The following CSMD1 variants were observed in gnomAD, a reference collection of about 807,000 sequenced individuals.
CSMD1 encodes the protein CUB and Sushi multiple domains 1, also known as CUB and sushi domain-containing protein 1.
In CSMD1, 213 loss-of-function variants were observed where a neutral mutation model predicts 417.5. That is an observed-to-expected ratio of 0.51 (90% CI 0.46 to 0.57). The LOEUF (loss-of-function observed/expected upper bound fraction) is 0.57, where lower values mean the gene tolerates loss of function less well. Ranked by LOEUF, CSMD1 falls within the 20% of genes least tolerant of loss-of-function variation. The pLI is 0.00. For synonymous variants in CSMD1, 2,862 were observed against 1,736.8 expected (o/e 1.65, Z -16.11); for missense variants, 6,923 against 4,529.7 (o/e 1.53, Z -15.17).
intron 3 of CSMD1, among the ~76,000 whole-genome samples, chr8:4,359,004 G>T (rs1000817606): frequency 1.3e-5 from 2 of 151,692 alleles, no homozygotes; most frequent in Non-Finnish European, 2.9e-5. Context: ...ACATATATAG[G>T]CATATAATAT....
chr8:2,955,662 G>C lies in CSMD1; in HGVS notation c.9921C>G (p.Phe3307Leu), dbSNP rs753525110. The part of the protein sequence containing the change: ...TLVYTCHPGF[F>L]LAGGSEHRTC... ...TTCTGTGCTCAGATCCCCCTGCGAG[G>C]AAAAAGCCTGGATGGCAGGTGTACA... The change falls in exon 64 of 70, where the codon TTC becomes TTG. Residue 3307 changes from phenylalanine (F) to leucine (L), a missense_variant. By Grantham distance (22) the Phe-to-Leu change is conservative. Transcript: ENST00000635120. 1 of 1,613,928 alleles carries C rather than the reference G, an allele frequency of 6.2e-7. No individual in the cohort carries two copies. The highest frequency in any genetic ancestry group is 1.1e-5 in the South Asian group (1 of 91,082).
intron 12 of CSMD1, among the ~76,000 whole-genome samples, chr8:3,458,508 G>A (rs894495819): frequency 2.0e-5 from 3 of 152,160 alleles, no homozygotes; most frequent in Non-Finnish European, 4.4e-5. Context: ...AAAGGGTGAT[G>A]ACTGGAAACT....
intron 3 of CSMD1, among the ~76,000 whole-genome samples, chr8:4,186,113 C>G (rs147262701): frequency 2.2e-4 from 34 of 152,232 alleles, no homozygotes; most frequent in African/African-American, 7.5e-4. Flanking sequence ...TGGGCCATGC[C>G]AGGCTGTCAC....
At chr8:3,879,056 C>T (rs977409460) in intron 5 of CSMD1, among the ~76,000 whole-genome samples, 12 of 152,072 alleles carry the variant, frequency 7.9e-5, no homozygotes, top group Non-Finnish European at 1.8e-4. Context: ...TCTCTAAGAA[C>T]AGGGATAGCA....
chr8:4,206,431 C>T lies in CSMD1; in HGVS notation c.416-174332G>A, dbSNP rs113812165. ...GTTCCCACCTATGACTGAGAACATG[C>T]GGTGTTTGGTTTTCTGTCCTTGTGA... On this transcript the variant is annotated intron_variant, in intron 3 of 69. Transcript: ENST00000635120. 9.0e-4 allele frequency among the ~76,000 whole-genome samples: 137 copies of T among 152,162 alleles called. 2 individuals are homozygous for T. In the East Asian group the frequency reaches 0.017, roughly 19 times the overall value.
At chr8:4,300,185 T>C (rs923942634) in intron 3 of CSMD1, among the ~76,000 whole-genome samples, 3 of 152,322 alleles carry the variant, frequency 2.0e-5, no homozygotes, top group East Asian at 1.9e-4. Flanking sequence ...AATTTCCTTT[T>C]TGCCTATCTC....
chr8:4,607,075 A>T (rs1013568632), intron 2 of CSMD1, among the ~76,000 whole-genome samples: 1 of 152,138 alleles, frequency 6.6e-6, no homozygotes, highest in Non-Finnish European at 1.5e-5. Context: ...TTATTCATTC[A>T]TATGTTTATT....
chr8:4,261,541 G>A (rs1171569428), intron 3 of CSMD1, among the ~76,000 whole-genome samples: 2 of 152,046 alleles, frequency 1.3e-5, no homozygotes, highest in Admixed American at 1.3e-4. Context: ...AATTTGCTAA[G>A]GTAAGAGTAG....
At chr8:4,483,680 A>G (rs957395580) in intron 2 of CSMD1, among the ~76,000 whole-genome samples, 6 of 152,226 alleles carry the variant, frequency 3.9e-5, no homozygotes, top group Non-Finnish European at 8.8e-5. Context: ...CATTTTTGTA[A>G]GAAAAGCACT....
rs572328659 is a variant in CSMD1, at chr8:4,374,634, T to A, written c.415+45319A>T. 9.2e-5 allele frequency among the ~76,000 whole-genome samples: 14 copies of A among 152,214 alleles called. 1 individual carries two copies. Among genetic ancestry groups the A allele is most frequent in the African/African-American group, 3.4e-4 (14 of 41,544 alleles). ...GTCCTGAAAGCCAGGAGCATGAAGT[T>A]GTTTTTTAGCTGGATGTTTTCTGAG... On this transcript the variant is annotated intron_variant, in intron 3 of 69. Coordinates refer to ENST00000635120, the MANE Select transcript of CSMD1 (RefSeq NM_033225.6).
intron 51 of CSMD1, among the ~76,000 whole-genome samples, chr8:3,024,302 G>T (rs1203665130): frequency 1.3e-5 from 2 of 149,316 alleles, no homozygotes; most frequent in Non-Finnish European, 3.0e-5. Context: ...TTTTTGGGGG[G>T]GGAGGGCAGT....
At chr8:4,413,441 T>G (rs985979267) in intron 3 of CSMD1, among the ~76,000 whole-genome samples, 1 of 152,190 alleles carries the variant, frequency 6.6e-6, no homozygotes, top group Non-Finnish European at 1.5e-5. Flanking sequence ...GTTCAGCGTC[T>G]CTCTTCTAAT....
chr8:4,013,419 G>C (rs1027248025), intron 4 of CSMD1, among the ~76,000 whole-genome samples: 12 of 152,108 alleles, frequency 7.9e-5, no homozygotes, highest in Admixed American at 7.2e-4. Context: ...GTTCATTAGA[G>C]GTCCAAATAT....
In CSMD1 at chr8:3,308,367, C is replaced by T. The variant is rs371960024; in HGVS notation, c.3768G>A (p.Leu1256=). 103 of 1,613,742 alleles carry T rather than the reference C, an allele frequency of 6.4e-5. No individual in the cohort carries two copies. Among genetic ancestry groups the T allele is most frequent in the East Asian group, 1.6e-4 (7 of 44,842 alleles). Residue 1256 remains leucine, a synonymous_variant, in exon 24 of 70, where the codon CTG becomes CTA. Transcript: ENST00000635120. ...PGYAMHGSNT[L]TCLSGDRRVW... Reference sequence around the variant, plus strand: ...CTCTCCTGTCTCCACTCAAACAGGTCAGGGTGTTGCTGCCATGCATGGCGT... The same window carrying T: ...CTCTCCTGTCTCCACTCAAACAGGTTAGGGTGTTGCTGCCATGCATGGCGT...
At chr8:4,263,081 T>C (rs755778764) in intron 3 of CSMD1, among the ~76,000 whole-genome samples, 1 of 152,180 alleles carries the variant, frequency 6.6e-6, no homozygotes. Context: ...TAATGAGATA[T>C]ATTAATTTTC....
At chr8:4,813,224 A>C (rs1407182239) in intron 1 of CSMD1, among the ~76,000 whole-genome samples, 1 of 152,214 alleles carries the variant, frequency 6.6e-6, no homozygotes, top group Non-Finnish European at 1.5e-5. Context: ...TCAAGGAGCA[A>C]ATGTGCTTAG....
chr8:4,695,923 T>A (rs1807096900), intron 1 of CSMD1, among the ~76,000 whole-genome samples: 2 of 152,216 alleles, frequency 1.3e-5, no homozygotes, highest in African/African-American at 4.8e-5. Flanking sequence ...CATTTAAAAT[T>A]ACCATAGGAT....
At chr8:4,584,337 C>A (rs1008943882) in intron 2 of CSMD1, among the ~76,000 whole-genome samples, 1 of 151,984 alleles carries the variant, frequency 6.6e-6, no homozygotes, top group Non-Finnish European at 1.5e-5. Context: ...GTGAGACAAT[C>A]GCCAATCGCC....
intron 7 of CSMD1, among the ~76,000 whole-genome samples, chr8:3,662,329 G>T (rs1250893751): frequency 6.6e-6 from 1 of 152,062 alleles, no homozygotes; most frequent in African/African-American, 2.4e-5. Flanking sequence ...ACAGTTAAAT[G>T]GTTTCTTAAA....
Sources: allele counts gnomAD v4.1 joint callset (sites outside exome capture counted in the v4.1 genomes callset), GRCh38; gene constraint gnomAD v4.1.1; transcripts MANE v1.5; gene names NCBI Gene and HGNC (gene_info 2026-07-23, HGNC 2026-07-21).